The following PARP4 variants were observed in gnomAD, a reference collection of about 807,000 sequenced individuals.
PARP4 encodes poly(ADP-ribose) polymerase family member 4.
PARP4 carries 120 observed loss-of-function variants against 187.7 expected under a neutral mutation model. The observed-to-expected ratio is 0.64, with a 90% CI of 0.55 to 0.74. The LOEUF is 0.74. Among genes scored for constraint, PARP4 ranks in the 30% least tolerant of loss-of-function variants. The pLI, the probability that PARP4 is intolerant of heterozygous loss-of-function variation, is 0.00. For synonymous variants in PARP4, 654 were observed against 740.9 expected (o/e 0.88, Z 1.90); for missense variants, 1,836 against 2,070.5 (o/e 0.89, Z 2.20).
In PARP4 at chr13:24,434,685, C is replaced by A. The variant is rs761674294; in HGVS notation, c.4456G>T (p.Ala1486Ser). 6.2e-7 allele frequency: 1 copy of A among 1,613,962 alleles called. No individual in the cohort carries two copies. The highest frequency in any genetic ancestry group is 1.3e-5 in the African/African-American group (1 of 74,892). ...GTAGTCCGGGACTGACTGCAAAGAGCCTCAGGTAAAGCAGAGGCCATTGGC... is the reference window on the plus strand; with the variant it reads ...GTAGTCCGGGACTGACTGCAAAGAGACTCAGGTAAAGCAGAGGCCATTGGC... ...RLPMASALPE[A>S]LCSQSRTTPV... Residue 1486 changes from alanine to serine, a missense_variant, in exon 31 of 34, where the codon GCT (alanine) becomes TCT (serine). Ala to Ser is a moderately conservative substitution (Grantham distance 99). Coordinates refer to ENST00000381989, the MANE Select transcript of PARP4 (RefSeq NM_006437.4).
In PARP4 at chr13:24,493,743, T is replaced by TAA; in HGVS notation, c.742-12_742-11dup. On this transcript the variant is annotated splice_polypyrimidine_tract_variant and intron_variant, in intron 7 of 33. Coordinates refer to ENST00000381989, the MANE Select transcript of PARP4 (RefSeq NM_006437.4). ...CTTCCTCCAAAAGCAACTACAATAA[T>TAA]AAAATAGAAATGCCACCAAAAAGTC... 6.2e-7 allele frequency: 1 copy of TAA among 1,612,732 alleles called. No homozygotes were observed. The highest frequency in any genetic ancestry group is 8.5e-7 in the Non-Finnish European group (1 of 1,179,684).
At chr13:24,453,092 G>T (rs1006632261) in intron 23 of PARP4, among the ~76,000 whole-genome samples, 1 of 151,888 alleles carries the variant, frequency 6.6e-6, no homozygotes, top group Non-Finnish European at 1.5e-5. Flanking sequence ...CCGTCACTAC[G>T]CCTGGCTAAT....
intron 24 of PARP4, among the ~76,000 whole-genome samples, chr13:24,451,470 C>T (rs1565996840): frequency 6.6e-6 from 1 of 152,084 alleles, no homozygotes; most frequent in Non-Finnish European, 1.5e-5. Flanking sequence ...GTGTCGGAGG[C>T]CACAGAGGGA....
At chr13:24,439,132 T>A (rs1870786754) in intron 30 of PARP4, among the ~76,000 whole-genome samples, 2 of 152,148 alleles carry the variant, frequency 1.3e-5, no homozygotes, top group African/African-American at 4.8e-5. Flanking sequence ...AAAACCTAAA[T>A]TAATTTAGAA....
intron 32 of PARP4, among the ~76,000 whole-genome samples, chr13:24,431,067 C>A (rs1870308854): frequency 6.6e-6 from 1 of 152,100 alleles, no homozygotes; most frequent in Admixed American, 6.5e-5. Context: ...TCTTCCTGAC[C>A]AATACTTGAC....
chr13:24,477,930 T>A, intron 13 of PARP4, 73 bp from the exon 14 acceptor site: 3 of 1,202,196 alleles, frequency 2.5e-6, no homozygotes. Context: ...GATGTTTTCA[T>A]AAAAGCATGT....
At chr13:24,453,718 C>A in intron 22 of PARP4, 64 bp from the exon 23 acceptor site, 1 of 866,958 alleles carries the variant, frequency 1.2e-6, no homozygotes, top group Non-Finnish European at 2.0e-6. Context: ...CACTAACAAA[C>A]AATAATGTTA....
chr13:24,463,461 G>C (rs1043818341), intron 17 of PARP4, among the ~76,000 whole-genome samples: 7 of 151,998 alleles, frequency 4.6e-5, no homozygotes, highest in African/African-American at 1.7e-4. Context: ...GTAAAAATGT[G>C]AATAAATGTA....
rs747809759 is a variant in PARP4 at position 24,469,058 on chromosome 13, C to T, written c.2099G>A (p.Gly700Asp). 3.7e-6 allele frequency: 6 copies of T among 1,614,006 alleles called. No homozygotes were observed. The highest frequency in any genetic ancestry group is 1.3e-5 in the African/African-American group (1 of 75,040). The change falls in exon 17 of 34, where the codon GGC (glycine) becomes GAC (aspartate). Residue 700 changes from glycine (G) to aspartate (D), a missense_variant. By Grantham distance (94) the Gly-to-Asp change is moderately conservative. This residue lies in a region of PARP4 where 1,147 missense variants were observed against 1,214.2 expected (regional missense o/e 0.94). Transcript: ENST00000381989. Reference protein sequence around the residue: ...QQEYLEAVTQGHGAYLMSQDA... With the variant: ...QQEYLEAVTQDHGAYLMSQDA... Reference sequence around the variant, plus strand: ...CTGACTCATCAGGTAAGCGCCATGGCCCTGGGTCACGGCTTCTAGGTACTC... The same window carrying T: ...CTGACTCATCAGGTAAGCGCCATGGTCCTGGGTCACGGCTTCTAGGTACTC...
intron 17 of PARP4, 67 bp from the exon 18 acceptor site, chr13:24,460,203 A>G (rs1475660078): frequency 1.5e-6 from 2 of 1,342,776 alleles, no homozygotes; most frequent in Non-Finnish European, 2.1e-6. Context: ...AGCTAACTCC[A>G]CGTACTTCTT....
intron 15 of PARP4, among the ~76,000 whole-genome samples, chr13:24,472,202 G>GTCTTATGAGTTTT (rs1872754814): frequency 6.6e-6 from 1 of 152,156 alleles, no homozygotes; most frequent in East Asian, 1.9e-4. Context: ...ATTAAGTACT[G>GTCTTATGAGTTTT]CATGTGGAAA....
At position 24,489,432 on chromosome 13, in the gene PARP4, A is replaced by AC. The variant is rs1367698786; in HGVS notation, c.1214+1235dup. ...AGACCATCCTGGCTAAAGCAGTGAA[A>AC]CCCCGTCTCTACTAAAAATACAAAA... On this transcript the variant is annotated intron_variant, in intron 10 of 33. Coordinates refer to ENST00000381989, the MANE Select transcript of PARP4 (RefSeq NM_006437.4). Among the ~76,000 whole-genome samples the AC allele has an allele frequency of 1.3e-5, 2 of 151,918 alleles. 1 individual carries two copies. Among genetic ancestry groups the AC allele is most frequent in the Non-Finnish European group, 2.9e-5 (2 of 67,984 alleles).
intron 17 of PARP4, among the ~76,000 whole-genome samples, chr13:24,465,393 G>A (rs565994360): frequency 6.6e-6 from 1 of 152,210 alleles, no homozygotes; most frequent in Admixed American, 6.5e-5. Context: ...CAATCCAAAT[G>A]CCCATCAATG....
In PARP4 at chr13:24,484,643, T is replaced by G. The variant is rs1325527116; in HGVS notation, c.1448+10A>C. The G allele has an allele frequency of 1.9e-6, 3 of 1,581,990 alleles. No homozygotes were observed. The highest frequency in any genetic ancestry group is 1.7e-4 in the Middle Eastern group (1 of 5,994). ...TCAGTAACGATTCTGTGATTAAGGA[T>G]CGAACATACCTGAGCGAATCACTGA... is the stretch of plus-strand genomic sequence containing the variant. On this transcript the variant is annotated intron_variant, in intron 12 of 33. Transcript: ENST00000381989.
chr13:24,485,693 G>C (rs1482170818), intron 11 of PARP4, among the ~76,000 whole-genome samples: 1 of 152,104 alleles, frequency 6.6e-6, no homozygotes, highest in Admixed American at 6.5e-5. Context: ...GTTGTCTGAT[G>C]CACACTCTAA....
At position 24,435,092 on chromosome 13, in the gene PARP4, A is replaced by G. The variant is rs1870552097; in HGVS notation, c.4049T>C (p.Phe1350Ser). 4 of 1,614,104 alleles carry G rather than the reference A, an allele frequency of 2.5e-6. No homozygotes were observed. The highest frequency in any genetic ancestry group is 3.4e-6 in the Non-Finnish European group (4 of 1,180,054). Residue 1350 changes from phenylalanine (F) to serine (S), a missense_variant, in exon 31 of 34, where the codon TTC (phenylalanine) becomes TCC (serine). By Grantham distance (155) the Phe-to-Ser change is radical. Around this residue, in one of 8 missense-constraint regions of PARP4, gnomAD observed 450 missense variants for 439.2 expected, o/e 1.02. Coordinates refer to ENST00000381989, the MANE Select transcript of PARP4 (RefSeq NM_006437.4). ...CTGTCTGGGAGGAGCAGCTGAACCGAAACTAGCTACCTGACGATATGAGGC... is the reference window on the plus strand; with the variant it reads ...CTGTCTGGGAGGAGCAGCTGAACCGGAACTAGCTACCTGACGATATGAGGC... ...SFASYRQVAS[F>S]GSAAPPRQFD...
intron 33 of PARP4, among the ~76,000 whole-genome samples, chr13:24,422,231 G>A (rs1869783519): frequency 6.6e-6 from 1 of 152,138 alleles, no homozygotes; most frequent in Non-Finnish European, 1.5e-5. Context: ...TGGGTTTGTG[G>A]TGGAAATCAA....
chr13:24,511,369 T>C (rs1396432196), intron 1 of PARP4, among the ~76,000 whole-genome samples: 4 of 152,158 alleles, frequency 2.6e-5, no homozygotes, highest in African/African-American at 9.7e-5. Context: ...ACATATGAGA[T>C]GTGGCGGACA....
Position 24,431,448 on chromosome 13 carries a change from A to G in PARP4, c.4775T>C (p.Leu1592Pro). ...TGTATTAAGATTTAATATAAGTCCC[A>G]GTTCTGGTGTAAGTTTCCAGAAGCC... ...EDGFWKLTPE[L>P]GLILNLNTNG... Residue 1592 changes from leucine (L) to proline (P), a missense_variant, in exon 32 of 34, where the codon CTG becomes CCG. Transcript: ENST00000381989. 1.3e-6 allele frequency: 2 copies of G among 1,593,742 alleles called. No individual in the cohort carries two copies. The highest frequency in any genetic ancestry group is 1.8e-5 in the Admixed American group (1 of 54,578).
Sources: gnomAD v4.1 joint callset for allele counts (sites outside exome capture counted in the v4.1 genomes callset) on GRCh38, gnomAD v4.1.1 for gene constraint, gnomAD v4.1.1 regional missense constraint, MANE v1.5 for transcripts, NCBI Gene and HGNC (gene_info 2026-07-23, HGNC 2026-07-21) for gene names.